Variants in CRADD observed in about 807,000 individuals in gnomAD.
The protein encoded by CRADD is CARD and death domain containing adaptor protein.
CRADD carries 9 observed loss-of-function variants against 15.5 expected under a neutral mutation model. The observed-to-expected ratio is 0.58, with a 90% CI of 0.35 to 1.01. The LOEUF (loss-of-function observed/expected upper bound fraction) is 1.01. CRADD is among the 50% of genes least tolerant of loss of function. CRADD has a pLI of 0.02. For missense variants in CRADD, 227 were observed against 250.3 expected, an observed-to-expected ratio of 0.91 and a Z score of 0.63; for synonymous variants, 118 against 107.6, an observed-to-expected ratio of 1.10 and a Z score of -0.60.
At chr12:93,779,432 GA>G (rs1014502313) in intron 2 of CRADD, among the ~76,000 whole-genome samples, 4 of 151,054 alleles carry the variant, frequency 2.6e-5, no homozygotes, top group Admixed American at 6.6e-5. Context: ...TATTTCAAAG[GA>G]AAAAAACATA....
intron 2 of CRADD, among the ~76,000 whole-genome samples, chr12:93,805,569 TG>T (rs1266488336): frequency 6.7e-6 from 1 of 149,436 alleles, no homozygotes; most frequent in Non-Finnish European, 1.5e-5. Context: ...AACAGTGTTT[TG>T]TGTGTATAAA....
rs60809862 is a variant in CRADD at position 93,765,439 on chromosome 12, A to G, written c.299-84531A>G. On this transcript the variant is annotated intron_variant, in intron 2 of 2. Coordinates refer to ENST00000332896, the MANE Select transcript of CRADD (RefSeq NM_003805.5). ...GTAAGCATTTTATAGGTGCCAAAAC[A>G]GATTCACAAAGTGTACCTGAGGTCA... 3.1e-3 allele frequency among the ~76,000 whole-genome samples: 470 copies of G among 152,342 alleles called. 2 individuals are homozygous for G. The highest frequency in any genetic ancestry group is 0.01 in the African/African-American group (429 of 41,578).
chr12:93,791,896 T>G lies in CRADD; in HGVS notation c.299-58074T>G, dbSNP rs1228740461. Among the ~76,000 whole-genome samples the G allele has an allele frequency of 1.3e-3, 10 of 7,904 alleles. No homozygotes were observed. The South Asian group carries it at 0.094, about 74-fold the overall frequency. 5.2% of individuals were successfully genotyped at this position (7,904 alleles called of 152,430 possible). On this transcript the variant is annotated intron_variant, in intron 2 of 2. Coordinates refer to ENST00000332896, the MANE Select transcript of CRADD (RefSeq NM_003805.5). ...AAAACATGCAAATAGTCCTAATGGATTTTTTTTTTTTTTTTTTTTAGTCTC... is the reference window on the plus strand; with the variant it reads ...AAAACATGCAAATAGTCCTAATGGAGTTTTTTTTTTTTTTTTTTTAGTCTC...
downstream of CRADD, among the ~76,000 whole-genome samples, chr12:93,855,138 C>T (rs570173672): frequency 9.9e-5 from 15 of 151,814 alleles, no homozygotes; most frequent in African/African-American, 2.4e-4. Context: ...GAGGTTGCAG[C>T]GAGCCAAGAT....
At chr12:93,828,273 A>C (rs762905424) in intron 2 of CRADD, among the ~76,000 whole-genome samples, 3 of 152,196 alleles carry the variant, frequency 2.0e-5, no homozygotes, top group Non-Finnish European at 4.4e-5. Context: ...TTAATTTTCT[A>C]AACAGTGTCT....
intron 2 of CRADD, among the ~76,000 whole-genome samples, chr12:93,739,958 C>A (rs563387947): frequency 6.6e-6 from 1 of 152,198 alleles, no homozygotes; most frequent in South Asian, 2.1e-4. Context: ...ACTTTTGAAT[C>A]ATTTATTTTG....
At chr12:93,756,107 T>G (rs185625092) in intron 2 of CRADD, among the ~76,000 whole-genome samples, 2 of 152,342 alleles carry the variant, frequency 1.3e-5, no homozygotes, top group East Asian at 3.9e-4. Context: ...TTTGTTGCAC[T>G]TTTTAAAAAA....
rs141867027 is a variant in CRADD, at chr12:93,876,447, T to G, written c.299-17603T>G. Among the ~76,000 whole-genome samples the G allele has an allele frequency of 3.9e-5, 6 of 152,322 alleles. No homozygotes were observed. In the East Asian group the frequency reaches 9.7e-4, roughly 25 times the overall value. ...TTCTCTACCTCCTATTTAAGGCCAA[T>G]AACTCTTAGATTTGTCCTTTTGAAG... On this transcript the variant is annotated intron_variant, in intron 2 of 2. Coordinates refer to the CRADD transcript ENST00000548483.
chr12:93,706,063 A>G (rs780218205), intron 2 of CRADD, among the ~76,000 whole-genome samples: 1 of 152,200 alleles, frequency 6.6e-6, no homozygotes, highest in African/African-American at 2.4e-5. Flanking sequence ...TAAAAAATAC[A>G]TGTACTCGTA....
chr12:93,721,953 A>T (rs1956273332), intron 2 of CRADD, among the ~76,000 whole-genome samples: 1 of 152,160 alleles, frequency 6.6e-6, no homozygotes, highest in South Asian at 2.1e-4. Context: ...CTTTATGTAG[A>T]TCTTATTTCT....
intron 2 of CRADD, among the ~76,000 whole-genome samples, chr12:93,888,380 G>A (rs1419511013): frequency 6.0e-5 from 9 of 149,870 alleles, no homozygotes; most frequent in African/African-American, 2.2e-4. Context: ...AGCCGAGATC[G>A]TGCCACTGCA....
At chr12:93,706,605 T>C (rs959138045) in intron 2 of CRADD, among the ~76,000 whole-genome samples, 5 of 152,182 alleles carry the variant, frequency 3.3e-5, no homozygotes, top group Non-Finnish European at 5.9e-5. Flanking sequence ...CCTGAAGTGA[T>C]AGCTGTTGGG....
intron 2 of CRADD, among the ~76,000 whole-genome samples, chr12:93,793,153 G>T (rs1292068056): frequency 6.6e-6 from 1 of 152,128 alleles, no homozygotes; most frequent in Non-Finnish European, 1.5e-5. Flanking sequence ...GTGCACGGGG[G>T]ATTATGCATC....
intron 2 of CRADD, among the ~76,000 whole-genome samples, chr12:93,686,302 CCCAAA>C (rs1565870790): frequency 4.1e-5 from 3 of 72,500 alleles, no homozygotes; most frequent in Middle Eastern, 6.8e-3. Context: ...CTCCATCCCC[CCCAAA>C]AAAAAAAAAA....
intron 2 of CRADD, among the ~76,000 whole-genome samples, chr12:93,803,451 A>G (rs975975250): frequency 5.3e-5 from 8 of 152,334 alleles, no homozygotes; most frequent in African/African-American, 1.9e-4. Flanking sequence ...TTTGTGAGCA[A>G]GAAAAAAAAT....
chr12:93,844,840 T>TGC (rs1337172996), intron 2 of CRADD, among the ~76,000 whole-genome samples: 1 of 151,858 alleles, frequency 6.6e-6, no homozygotes, highest in Admixed American at 6.6e-5. Flanking sequence ...CAAGGAAGGG[T>TGC]GCACCCCACC....
Position 93,876,802 on chromosome 12 carries a change from C to T in CRADD, c.299-17248C>T, listed in dbSNP as rs150643121. Among the ~76,000 whole-genome samples the T allele has an allele frequency of 1.0e-3, 157 of 152,178 alleles. 1 individual carries two copies. In the East Asian group the frequency reaches 0.023, roughly 23 times the overall value. ...TTCTGCCTGAAAGGTCACATATCTC[C>T]ATTTTTCCAGGATTGGTCCCTGATG... On this transcript the variant is annotated intron_variant, in intron 2 of 2. Transcript: ENST00000548483.
chr12:93,687,514 A>T (rs1340437877), intron 2 of CRADD, among the ~76,000 whole-genome samples: 1 of 152,162 alleles, frequency 6.6e-6, no homozygotes, highest in African/African-American at 2.4e-5. Flanking sequence ...ACACACGGGC[A>T]TGCCCATGTG....
chr12:93,819,148 C>T (rs1420481822), intron 2 of CRADD, among the ~76,000 whole-genome samples: 1 of 152,246 alleles, frequency 6.6e-6, no homozygotes, highest in Non-Finnish European at 1.5e-5. Flanking sequence ...CCGCCCTGTC[C>T]GCCTATGAGG....
Sources: gnomAD v4.1 joint callset for allele counts (sites outside exome capture counted in the v4.1 genomes callset) on GRCh38, gnomAD v4.1.1 for gene constraint, MANE v1.5 for transcripts, NCBI Gene and HGNC (gene_info 2026-07-23, HGNC 2026-07-21) for gene names.